Variants in MAGI1 observed in about 807,000 individuals in gnomAD.
MAGI1 encodes the protein membrane-associated guanylate kinase, WW and PDZ domain-containing protein 1.
MAGI1 carries 58 observed loss-of-function variants against 139.9 expected under a neutral mutation model. The observed-to-expected ratio is 0.41, with a 90% CI of 0.34 to 0.52. MAGI1 has a LOEUF of 0.52. Among genes scored for constraint, MAGI1 ranks in the 20% least tolerant of loss-of-function variants. The pLI, the probability that MAGI1 is intolerant of heterozygous loss-of-function variation, is 0.12. For missense variants in MAGI1, 1,874 were observed against 1,901.6 expected (o/e 0.99, Z 0.27); for synonymous variants, 812 against 737.9 (o/e 1.10, Z -1.63).
At chr3:65,659,856 C>A (rs750209917) in intron 1 of MAGI1, among the ~76,000 whole-genome samples, 6 of 152,128 alleles carry the variant, frequency 3.9e-5, no homozygotes, top group Non-Finnish European at 8.8e-5. Context: ...CTGGGTTCTA[C>A]ATTTCTCAAC....
At chr3:65,779,531 G>A (rs1398551255) in intron 1 of MAGI1, among the ~76,000 whole-genome samples, 1 of 152,200 alleles carries the variant, frequency 6.6e-6, no homozygotes, top group East Asian at 1.9e-4. Context: ...ACTTTAGAAA[G>A]GTAAAGTTGA....
intron 1 of MAGI1, among the ~76,000 whole-genome samples, chr3:65,891,590 A>G (rs988966476): frequency 2.0e-5 from 3 of 151,882 alleles, no homozygotes; most frequent in African/African-American, 7.3e-5. Flanking sequence ...ATTTTGCAGG[A>G]GTCAACGTGA....
At chr3:66,028,787 T>C (rs2068438954) in intron 1 of MAGI1, among the ~76,000 whole-genome samples, 2 of 152,098 alleles carry the variant, frequency 1.3e-5, no homozygotes, top group African/African-American at 4.8e-5. Context: ...TTGTCTGAAC[T>C]AATCCAGTCT....
intron 1 of MAGI1, among the ~76,000 whole-genome samples, chr3:65,787,479 C>T (rs932995593): frequency 7.9e-5 from 12 of 151,148 alleles, no homozygotes; most frequent in African/African-American, 2.7e-4. Context: ...TGCCAAAACA[C>T]ATTGTGTTTG....
At chr3:65,961,982 T>C (rs920443665) in intron 1 of MAGI1, among the ~76,000 whole-genome samples, 1 of 152,194 alleles carries the variant, frequency 6.6e-6, no homozygotes, top group South Asian at 2.1e-4. Context: ...ATTTCCAAAT[T>C]GGGACAGCTT....
intron 1 of MAGI1, among the ~76,000 whole-genome samples, chr3:65,902,395 A>G (rs1214875482): frequency 6.6e-6 from 1 of 152,202 alleles, no homozygotes; most frequent in African/African-American, 2.4e-5. Flanking sequence ...TAGCAGTAAA[A>G]TTCGCAGCAA....
At position 65,622,033 on chromosome 3, in the gene MAGI1, C is replaced by A. The variant is rs1483834366; in HGVS notation, c.369G>T (p.Gly123=). The change falls in exon 2 of 23, where the codon GGG becomes GGT. Residue 123 remains glycine (G), a synonymous_variant. Transcript: ENST00000402939. ...TCTGCTGGAGCTCATGATCAGGAGA[C>A]CCCTTCTGGAATCGCTGATTGAGAA... The part of the protein sequence containing the change: ...RHFLNQRFQK[G]SPDHELQQTI... 5 of 1,613,900 alleles carry A rather than the reference C, an allele frequency of 3.1e-6. No homozygotes were observed. Among genetic ancestry groups the A allele is most frequent in the Non-Finnish European group, 4.2e-6 (5 of 1,179,980 alleles).
chr3:65,652,107 GTTT>G (rs766596111), intron 1 of MAGI1, among the ~76,000 whole-genome samples: 2 of 152,078 alleles, frequency 1.3e-5, no homozygotes, highest in African/African-American at 2.4e-5. Flanking sequence ...GTTAAAATGA[GTTT>G]TATTATCGTG....
At chr3:65,368,184 T>G (rs556118120) in intron 18 of MAGI1, among the ~76,000 whole-genome samples, 4 of 152,126 alleles carry the variant, frequency 2.6e-5, no homozygotes, top group Admixed American at 2.6e-4. Context: ...AAGAAGGGCC[T>G]GAAACAAGAG....
chr3:65,817,456 C>T (rs1314109441), intron 1 of MAGI1, among the ~76,000 whole-genome samples: 2 of 152,100 alleles, frequency 1.3e-5, no homozygotes, highest in African/African-American at 4.8e-5. Context: ...CGCAGTAATA[C>T]TAAAACCCAG....
chr3:65,680,679 C>T (rs561583250), intron 1 of MAGI1, among the ~76,000 whole-genome samples: 1 of 152,154 alleles, frequency 6.6e-6, no homozygotes, highest in Non-Finnish European at 1.5e-5. Flanking sequence ...CCTCAGACTT[C>T]CAAAGTGCTA....
chr3:65,454,082 T>C (rs576593170), intron 5 of MAGI1, among the ~76,000 whole-genome samples: 9 of 152,048 alleles, frequency 5.9e-5, no homozygotes, highest in African/African-American at 2.2e-4. Context: ...TCAATCATAT[T>C]AGAAATGTCA....
At chr3:65,638,868 A>G (rs756457048) in intron 1 of MAGI1, among the ~76,000 whole-genome samples, 9 of 151,826 alleles carry the variant, frequency 5.9e-5, no homozygotes, top group Non-Finnish European at 1.2e-4. Flanking sequence ...CAGCCTCCCA[A>G]AGTGCTGGGA....
chr3:65,529,998 C>T (rs913420916), intron 2 of MAGI1, among the ~76,000 whole-genome samples: 1 of 152,106 alleles, frequency 6.6e-6, no homozygotes, highest in Admixed American at 6.6e-5. Context: ...CTCTCCATAT[C>T]CCACCTGTTT....
intron 1 of MAGI1, among the ~76,000 whole-genome samples, chr3:65,742,334 G>C (rs1180987649): frequency 6.6e-6 from 1 of 152,104 alleles, no homozygotes; most frequent in Non-Finnish European, 1.5e-5. Context: ...GACAATGAAT[G>C]CATCTTTTTC....
At chr3:65,386,073 C>T (rs1943423382) in intron 14 of MAGI1, among the ~76,000 whole-genome samples, 1 of 152,100 alleles carries the variant, frequency 6.6e-6, no homozygotes, top group Admixed American at 6.5e-5. Context: ...GCAGAGACTT[C>T]CAGCCCAGAC....
At chr3:65,606,995 A>C (rs186849206) in intron 2 of MAGI1, among the ~76,000 whole-genome samples, 4 of 152,226 alleles carry the variant, frequency 2.6e-5, no homozygotes, top group Admixed American at 6.5e-5. Flanking sequence ...TGAAACCCAG[A>C]TACTGGTCAA....
intron 1 of MAGI1, among the ~76,000 whole-genome samples, chr3:65,905,467 G>C (rs993618159): frequency 6.6e-6 from 1 of 150,600 alleles, no homozygotes; most frequent in Admixed American, 6.6e-5. Context: ...ACACACCCTG[G>C]GTGACAGAGT....
chr3:65,380,879 A>G (rs1423309650), intron 16 of MAGI1: 1 of 152,208 alleles, frequency 6.6e-6, no homozygotes, highest in African/African-American at 2.4e-5. Flanking sequence ...GGAATTTAAC[A>G]TCTTAATTCT....
Sources: gnomAD v4.1 joint callset for allele counts (sites outside exome capture counted in the v4.1 genomes callset) on GRCh38, gnomAD v4.1.1 for gene constraint, MANE v1.5 for transcripts, NCBI Gene and HGNC (gene_info 2026-07-23, HGNC 2026-07-21) for gene names.